The following KIAA1217 variants were observed in gnomAD, a reference collection of about 807,000 sequenced individuals.
KIAA1217 encodes the protein KIAA1217, also known as sickle tail protein homolog.
KIAA1217 carries 88 observed loss-of-function variants against 163.9 expected under a neutral mutation model. The ratio of observed to expected loss-of-function variants is 0.54; its 90% CI spans 0.45 to 0.64. The LOEUF is 0.64. Among genes scored for constraint, KIAA1217 ranks in the 30% least tolerant of loss-of-function variants. The probability of loss-of-function intolerance (pLI) is 0.00; values close to 1 mark genes in which losing one functional copy is unlikely to be tolerated. For synonymous variants in KIAA1217, 903 were observed against 923.1 expected, an observed-to-expected ratio of 0.98 and a Z score of 0.39; for missense variants, 2,372 against 2,475.0, an observed-to-expected ratio of 0.96 and a Z score of 0.88.
rs903159354 is a variant in KIAA1217, at chr10:23,765,571, C to T, written c.-321+70337C>T. On this transcript the variant is annotated intron_variant, in intron 1 of 18. Coordinates refer to the KIAA1217 transcript ENST00000376462. Reference sequence around the variant, plus strand: ...CCCAAATCTCATCTTGAATTGTAATCCCTATATGTGGAGGGAGGGATATGC... The same window carrying T: ...CCCAAATCTCATCTTGAATTGTAATTCCTATATGTGGAGGGAGGGATATGC... 3.3e-5 allele frequency among the ~76,000 whole-genome samples: 5 copies of T among 152,180 alleles called. No individual in the cohort carries two copies. The South Asian group carries it at 1.0e-3, about 32-fold the overall frequency.
rs577272844 is a variant in KIAA1217 at position 23,915,940 on chromosome 10, A to T, written c.-320-91285A>T. Among the ~76,000 whole-genome samples the T allele has an allele frequency of 5.3e-4, 80 of 152,312 alleles. No individual in the cohort carries two copies. The South Asian group carries it at 0.016, about 30-fold the overall frequency. ...GAAGCACAAGATTTAGGAGGTGGAA[A>T]TTCTTTTAAAAACCGTGTTATAATG... On this transcript the variant is annotated intron_variant, in intron 1 of 18. Coordinates refer to the KIAA1217 transcript ENST00000376462.
intron 2 of KIAA1217, among the ~76,000 whole-genome samples, chr10:24,140,431 C>G (rs1368046651): frequency 6.6e-6 from 1 of 151,994 alleles, no homozygotes; most frequent in Non-Finnish European, 1.5e-5. Flanking sequence ...AACACTTTTC[C>G]TGCCCTTTAG....
At chr10:24,277,387 G>A (rs772064664) in intron 2 of KIAA1217, among the ~76,000 whole-genome samples, 1 of 152,202 alleles carries the variant, frequency 6.6e-6, no homozygotes, top group Non-Finnish European at 1.5e-5. Context: ...GGGAAGCCTC[G>A]TGAGTGGGAT....
chr10:24,217,174 G>A (rs575030239), intron 1 of KIAA1217, among the ~76,000 whole-genome samples: 8 of 151,982 alleles, frequency 5.3e-5, no homozygotes, highest in Non-Finnish European at 1.2e-4. Flanking sequence ...CAACCTGAGA[G>A]ACAGCATTTT....
At chr10:24,277,954 T>C (rs2077490811) in intron 2 of KIAA1217, among the ~76,000 whole-genome samples, 1 of 152,220 alleles carries the variant, frequency 6.6e-6, no homozygotes, top group South Asian at 2.1e-4. Flanking sequence ...GCTTGCTGGC[T>C]TCCCTTTGTG....
At chr10:24,063,966 G>A (rs2060835932) in intron 2 of KIAA1217, among the ~76,000 whole-genome samples, 2 of 152,150 alleles carry the variant, frequency 1.3e-5, no homozygotes, top group South Asian at 4.1e-4. Flanking sequence ...GTATAAGAAT[G>A]CTTGTGATTT....
At chr10:24,014,129 G>A (rs966644503) in intron 2 of KIAA1217, among the ~76,000 whole-genome samples, 27 of 152,174 alleles carry the variant, frequency 1.8e-4, no homozygotes, top group Non-Finnish European at 2.9e-4. Context: ...TGCTTTTCCT[G>A]TTTCATATAA....
At chr10:24,285,298 G>A (rs2078428579) in intron 2 of KIAA1217, among the ~76,000 whole-genome samples, 1 of 152,136 alleles carries the variant, frequency 6.6e-6, no homozygotes. Flanking sequence ...TAAACTCTTT[G>A]CCTAGGCCAA....
intron 1 of KIAA1217, among the ~76,000 whole-genome samples, chr10:23,773,018 G>A (rs911045469): frequency 1.1e-4 from 17 of 152,142 alleles, no homozygotes; most frequent in Non-Finnish European, 2.1e-4. Flanking sequence ...CGCTTATGGA[G>A]TGGGGTTTTA....
chr10:24,018,386 A>G (rs1031974820), intron 2 of KIAA1217, among the ~76,000 whole-genome samples: 1 of 152,070 alleles, frequency 6.6e-6, no homozygotes, highest in African/African-American at 2.4e-5. Flanking sequence ...TACATTAATC[A>G]TCGGATTAGA....
At chr10:24,370,201 C>G (rs1436173712) in intron 2 of KIAA1217, among the ~76,000 whole-genome samples, 1 of 146,144 alleles carries the variant, frequency 6.8e-6, no homozygotes, top group Non-Finnish European at 1.5e-5. Flanking sequence ...GGAGGCGGAG[C>G]CTGCAGTGAG....
At chr10:24,009,714 C>T (rs1847160501) in intron 2 of KIAA1217, among the ~76,000 whole-genome samples, 1 of 151,994 alleles carries the variant, frequency 6.6e-6, no homozygotes, top group Non-Finnish European at 1.5e-5. Flanking sequence ...AGTGGTAAGC[C>T]CAGGATTTGA....
rs1412010035 is a variant in KIAA1217, at chr10:23,789,926, T to C, written c.-321+94692T>C. Among the ~76,000 whole-genome samples the C allele has an allele frequency of 2.8e-5, 4 of 142,536 alleles. 1 individual carries two copies. Among genetic ancestry groups the C allele is most frequent in the African/African-American group, 8.4e-5 (3 of 35,858 alleles). The allele number at this position is 142,536 out of a possible 152,430, so 93.5% of individuals were successfully genotyped here. On this transcript the variant is annotated intron_variant, in intron 1 of 18. Coordinates refer to the KIAA1217 transcript ENST00000376462. ...ATACATATACATATGCATATACATGTATATATACACATATACATATACATG... is the reference window on the plus strand; with the variant it reads ...ATACATATACATATGCATATACATGCATATATACACATATACATATACATG...
At chr10:24,182,000 T>C (rs1267651971) in intron 2 of KIAA1217, among the ~76,000 whole-genome samples, 1 of 152,220 alleles carries the variant, frequency 6.6e-6, no homozygotes, top group African/African-American at 2.4e-5. Flanking sequence ...AATTGTGGAA[T>C]TTAGATGAGC....
intron 2 of KIAA1217, among the ~76,000 whole-genome samples, chr10:24,015,867 A>G (rs906271273): frequency 5.3e-5 from 8 of 152,062 alleles, no homozygotes; most frequent in Non-Finnish European, 1.2e-4. Context: ...AAGTAACTTC[A>G]AAGTGTACTG....
intron 2 of KIAA1217, among the ~76,000 whole-genome samples, chr10:24,343,249 T>A (rs1348072485): frequency 6.6e-6 from 1 of 152,244 alleles, no homozygotes; most frequent in Non-Finnish European, 1.5e-5. Context: ...TATATAATAT[T>A]CTGCAACATA....
intron 2 of KIAA1217, among the ~76,000 whole-genome samples, chr10:24,344,209 TA>T (rs1259158297): frequency 1.3e-5 from 2 of 152,208 alleles, no homozygotes; most frequent in African/African-American, 2.4e-5. Flanking sequence ...AAGATAATGT[TA>T]AAAATAGCAT....
intron 1 of KIAA1217, among the ~76,000 whole-genome samples, chr10:23,974,101 G>A (rs939633468): frequency 6.6e-6 from 1 of 152,204 alleles, no homozygotes; most frequent in Non-Finnish European, 1.5e-5. Context: ...CAGATGTAGA[G>A]GACTAGTTCT....
At chr10:24,027,746 G>A (rs955458655) in intron 2 of KIAA1217, among the ~76,000 whole-genome samples, 4 of 151,982 alleles carry the variant, frequency 2.6e-5, no homozygotes, top group African/African-American at 7.2e-5. Flanking sequence ...ATTTCACATG[G>A]AACTTAATAA....
Sources: allele counts gnomAD v4.1 joint callset (sites outside exome capture counted in the v4.1 genomes callset), GRCh38; gene constraint gnomAD v4.1.1; transcripts MANE v1.5; gene names NCBI Gene and HGNC (gene_info 2026-07-23, HGNC 2026-07-21).